The following CSRNP3 variants were observed in gnomAD, a reference collection of about 807,000 sequenced individuals.
CSRNP3 encodes the protein cysteine/serine-rich nuclear protein 3.
In CSRNP3, 12 loss-of-function variants were observed where a neutral mutation model predicts 48.0. That is an observed-to-expected ratio of 0.25 (90% confidence interval 0.16 to 0.41). CSRNP3 has a LOEUF of 0.41. Ranked by LOEUF, CSRNP3 falls within the 10% of genes least tolerant of loss-of-function variation. The probability of loss-of-function intolerance (pLI) is 1.00; values close to 1 mark genes in which losing one functional copy is unlikely to be tolerated. For missense variants in CSRNP3, 580 were observed against 724.4 expected (o/e 0.80, Z 2.29); for synonymous variants, 263 against 269.7 (o/e 0.98, Z 0.24).
At chr2:165,474,960 T>C (rs1263971873) in intron 1 of CSRNP3, among the ~76,000 whole-genome samples, 1 of 152,236 alleles carries the variant, frequency 6.6e-6, no homozygotes, top group Non-Finnish European at 1.5e-5. Context: ...ATACAGTTAG[T>C]TGCTGTCATG....
At chr2:165,481,895 C>G (rs1301253969) in intron 1 of CSRNP3, among the ~76,000 whole-genome samples, 1 of 151,980 alleles carries the variant, frequency 6.6e-6, no homozygotes, top group Non-Finnish European at 1.5e-5. Flanking sequence ...CATATGGACA[C>G]AAAGACGGGA....
intron 6 of CSRNP3, 111 bp from the exon 7 acceptor site, chr2:165,678,590 T>A: frequency 7.8e-7 from 1 of 1,280,974 alleles, no homozygotes; most frequent in East Asian, 2.4e-5. Context: ...CTCTGGCATA[T>A]GTGGAATTAA....
chr2:165,585,174 C>CT (rs1296056880), intron 3 of CSRNP3, among the ~76,000 whole-genome samples: 3 of 150,482 alleles, frequency 2.0e-5, no homozygotes, highest in African/African-American at 7.3e-5. Context: ...TTAACTAAAG[C>CT]TATTTCTCAA....
chr2:165,574,378 T>G (rs1685415673), intron 3 of CSRNP3: 1 of 1,550,238 alleles, frequency 6.5e-7, no homozygotes, highest in Non-Finnish European at 8.7e-7. Flanking sequence ...GCTTTATTTC[T>G]GAGAGTGAAG....
At chr2:165,636,367 G>C (rs2105330525) in intron 4 of CSRNP3, among the ~76,000 whole-genome samples, 1 of 152,330 alleles carries the variant, frequency 6.6e-6, no homozygotes, top group African/African-American at 2.4e-5. Context: ...GATTCTCTTT[G>C]AGTGAATAAC....
At chr2:165,477,504 A>AATATATATATATATAT (rs35294627) in intron 1 of CSRNP3, among the ~76,000 whole-genome samples, 16 of 132,182 alleles carry the variant, frequency 1.2e-4, no homozygotes, top group African/African-American at 4.5e-4. Context: ...ATATAATACA[A>AATATATATATATATAT]ATATATATAT....
chr2:165,612,741 G>A (rs1686160196), intron 4 of CSRNP3, among the ~76,000 whole-genome samples: 2 of 151,670 alleles, frequency 1.3e-5, no homozygotes, highest in South Asian at 2.1e-4. Context: ...CATTCATGTG[G>A]CCATGAATGA....
chr2:165,630,563 A>G (rs1686519156), intron 4 of CSRNP3, among the ~76,000 whole-genome samples: 1 of 151,870 alleles, frequency 6.6e-6, no homozygotes, highest in African/African-American at 2.4e-5. Flanking sequence ...GACAGCAACA[A>G]CTCCTCCAGC....
At chr2:165,550,405 T>A (rs1685081913) in intron 3 of CSRNP3, among the ~76,000 whole-genome samples, 1 of 152,136 alleles carries the variant, frequency 6.6e-6, no homozygotes, top group Non-Finnish European at 1.5e-5. Context: ...GTGGACAATT[T>A]ATTTTGAATA....
intron 3 of CSRNP3, among the ~76,000 whole-genome samples, chr2:165,550,499 T>G (rs1685082503): frequency 6.6e-6 from 1 of 152,202 alleles, no homozygotes; most frequent in South Asian, 2.1e-4. Flanking sequence ...GACAAATAAA[T>G]TCTAGCTGTT....
Position 165,679,565 on chromosome 2 carries a change from T to A in CSRNP3, c.1570T>A (p.Ser524Thr). 6.2e-7 allele frequency: 1 copy of A among 1,613,832 alleles called. No homozygotes were observed. The highest frequency in any genetic ancestry group is 8.5e-7 in the Non-Finnish European group (1 of 1,179,944). The change falls in exon 7 of 7, where the codon TCC (serine) becomes ACC (threonine). Residue 524 changes from serine (S) to threonine (T), a missense_variant. Ser to Thr is a moderately conservative substitution (Grantham distance 58). Coordinates refer to ENST00000651982, the MANE Select transcript of CSRNP3 (RefSeq NM_001172173.2). ...PCNSLYPEHR[S>T]NHPQVEFHSY... ...CAATAGTTTATATCCTGAACACAGG[T>A]CCAATCACCCTCAAGTGGAATTTCA...
chr2:165,619,864 C>A (rs749835715), intron 4 of CSRNP3, among the ~76,000 whole-genome samples: 1 of 152,092 alleles, frequency 6.6e-6, no homozygotes. Context: ...GGCAGCCATT[C>A]ATCTAGTTAA....
rs1189330620 is a variant in CSRNP3 at position 165,689,297 on chromosome 2, C to T, written c.*9544C>T. 6.6e-6 allele frequency: 1 copy of T among 151,948 alleles called. No homozygotes were observed. The highest frequency in any genetic ancestry group is 2.4e-5 in the African/African-American group (1 of 41,372). 9.4% of individuals were successfully genotyped at this position (151,948 alleles called of 1,614,324 possible). A position where few individuals can be genotyped will look rare whatever the true frequency, so the allele number is the denominator to read the frequency against. ...CAAATAAGCATTTTTAAGTCTTATCCTTAAGTTTCTTTTATTAGTGGCACT... is the reference window on the plus strand; with the variant it reads ...CAAATAAGCATTTTTAAGTCTTATCTTTAAGTTTCTTTTATTAGTGGCACT... On this transcript the variant is annotated 3_prime_UTR_variant, in exon 7 of 7. Transcript: ENST00000651982.
chr2:165,655,137 A>T (rs1686981314), intron 4 of CSRNP3, among the ~76,000 whole-genome samples: 1 of 152,204 alleles, frequency 6.6e-6, no homozygotes, highest in Non-Finnish European at 1.5e-5. Context: ...AAATCCAATT[A>T]GAGTCAATTT....
At chr2:165,495,186 A>T (rs1298550275) in intron 2 of CSRNP3, among the ~76,000 whole-genome samples, 1 of 152,054 alleles carries the variant, frequency 6.6e-6, no homozygotes, top group East Asian at 1.9e-4. Context: ...TAATTTAATG[A>T]GTGTCTTCAG....
chr2:165,590,274 T>C (rs184663503), intron 3 of CSRNP3, among the ~76,000 whole-genome samples: 1 of 152,298 alleles, frequency 6.6e-6, no homozygotes, highest in East Asian at 1.9e-4. Context: ...CCATTGTTAA[T>C]ATAACATTCA....
chr2:165,666,302 A>G, intron 5 of CSRNP3, among the ~76,000 whole-genome samples: 1 of 140,840 alleles, frequency 7.1e-6, no homozygotes, highest in Non-Finnish European at 1.5e-5. Flanking sequence ...GAAGAAAGAG[A>G]GAGGAAGGAA....
In CSRNP3 at chr2:165,599,283, G is replaced by GAAAGAAAGAAAGAA. The variant is rs1553478329; in HGVS notation, c.148+4071_148+4072insAAGAAAGAAAGAAA. On this transcript the variant is annotated intron_variant, in intron 4 of 6. Transcript: ENST00000651982. ...AAAGAAAAAGAAAGAAAGAGAGAGAGAGAAAGAAAGAAAGAAAGAAAGAAA... is the reference window on the plus strand; with the variant it reads ...AAAGAAAAAGAAAGAAAGAGAGAGAGAAAGAAAGAAAGAAAGAAAGAAAGAAAGAAAGAAAGAAA... 2.5e-3 allele frequency among the ~76,000 whole-genome samples: 267 copies of GAAAGAAAGAAAGAA among 104,828 alleles called. 1 individual carries two copies. Among genetic ancestry groups the GAAAGAAAGAAAGAA allele is most frequent in the African/African-American group, 8.9e-3 (246 of 27,690 alleles). 68.8% of individuals were successfully genotyped at this position (104,828 alleles called of 152,430 possible).
intron 4 of CSRNP3, among the ~76,000 whole-genome samples, chr2:165,649,172 T>C (rs1209142952): frequency 6.6e-6 from 1 of 152,248 alleles, no homozygotes; most frequent in African/African-American, 2.4e-5. Context: ...GTTGTTTAAA[T>C]GCATACACAG....
Sources: allele counts gnomAD v4.1 joint callset (sites outside exome capture counted in the v4.1 genomes callset), GRCh38; gene constraint gnomAD v4.1.1; transcripts MANE v1.5; gene names NCBI Gene and HGNC (gene_info 2026-07-23, HGNC 2026-07-21).